The following GXYLT1 variants were observed in gnomAD, a reference collection of about 807,000 sequenced individuals.
GXYLT1 encodes the protein glycosyltransferase 8 domain containing 3.
GXYLT1 carries 29 observed loss-of-function variants against 54.0 expected under a neutral mutation model. The ratio of observed to expected loss-of-function variants is 0.54; its 90% confidence interval spans 0.40 to 0.73. GXYLT1 has a LOEUF of 0.73. Among genes scored for constraint, GXYLT1 ranks in the 30% least tolerant of loss-of-function variants. The pLI is 0.00. For synonymous variants in GXYLT1, 176 were observed against 204.1 expected (o/e 0.86, Z 1.17); for missense variants, 490 against 553.4 (o/e 0.89, Z 1.15).
At chr12:42,102,098 A>G (rs570085047) in intron 5 of GXYLT1, among the ~76,000 whole-genome samples, 1 of 152,370 alleles carries the variant, frequency 6.6e-6, no homozygotes, top group East Asian at 1.9e-4. Flanking sequence ...ATGACCAAAT[A>G]CATGTATGTT....
chr12:42,098,159 A>G, intron 5 of GXYLT1, 126 bp from the exon 6 acceptor site: 2 of 799,264 alleles, frequency 2.5e-6, no homozygotes, highest in Non-Finnish European at 2.0e-6. Context: ...ACTCCTCACA[A>G]TATCAAGTGA....
At chr12:42,129,608 C>T (rs1056455288) in intron 2 of GXYLT1, 151 bp downstream of exon 2, 1 of 503,418 alleles carries the variant, frequency 2.0e-6, no homozygotes, top group South Asian at 3.3e-5. Flanking sequence ...GCAATAACAA[C>T]TACAAAATGG....
intron 2 of GXYLT1, among the ~76,000 whole-genome samples, chr12:42,126,015 A>C (rs2065559113): frequency 6.6e-6 from 1 of 151,940 alleles, no homozygotes; most frequent in South Asian, 2.1e-4. Context: ...CGACAAAGTG[A>C]GACTATCTCA....
intron 3 of GXYLT1, among the ~76,000 whole-genome samples, chr12:42,114,382 G>A (rs983239792): frequency 6.6e-6 from 1 of 152,052 alleles, no homozygotes; most frequent in Non-Finnish European, 1.5e-5. Context: ...TAGAACGCTA[G>A]CAAGACTAAC....
chr12:42,116,053 G>A (rs570562142), intron 3 of GXYLT1, among the ~76,000 whole-genome samples: 2 of 152,052 alleles, frequency 1.3e-5, no homozygotes, highest in East Asian at 3.9e-4. Context: ...TTAATAAATG[G>A]TGCTGGGAAA....
intron 7 of GXYLT1, among the ~76,000 whole-genome samples, chr12:42,090,014 T>C (rs1418459524): frequency 2.6e-5 from 4 of 152,216 alleles, no homozygotes; most frequent in East Asian, 1.9e-4. Context: ...AGGAAGACTA[T>C]TGATTCCCAG....
At position 42,144,488 on chromosome 12, in the gene GXYLT1, T is replaced by G. The variant is rs2065669563; in HGVS notation, c.159A>C (p.Gly53=). ...AAVASWLAGG[G]RGAVRGAGVA... ...CGCCGGCGCCTCTCACGGCGCCGCG[T>G]CCGCCGCCCGCGAGCCAGGAAGCCA... Residue 53 remains glycine (G), a synonymous_variant, in exon 1 of 8, where the codon GGA becomes GGC. Coordinates refer to ENST00000398675, the MANE Select transcript of GXYLT1 (RefSeq NM_173601.2). 7.4e-7 allele frequency: 1 copy of G among 1,344,726 alleles called. No homozygotes were observed. The allele number at this position is 1,344,726 out of a possible 1,614,324, so 83.3% of individuals were successfully genotyped here.
intron 2 of GXYLT1, among the ~76,000 whole-genome samples, chr12:42,126,021 T>C (rs775535134): frequency 1.3e-5 from 2 of 150,608 alleles, no homozygotes; most frequent in African/African-American, 2.4e-5. Context: ...AGTGAGACTA[T>C]CTCAAAAAAA....
chr12:42,085,241 C>T lies in GXYLT1; in HGVS notation c.*2545G>A. The T allele has an allele frequency of 6.6e-6, 1 of 152,096 alleles. No individual in the cohort carries two copies. Among genetic ancestry groups the T allele is most frequent in the Non-Finnish European group, 1.5e-5 (1 of 68,024 alleles). 9.4% of individuals were successfully genotyped at this position (152,096 alleles called of 1,614,324 possible). ...ATAATTCAATTTATGGTAAAATGATCAATTAGGTCAGGTCTAAATAAACCA... is the reference window on the plus strand; with the variant it reads ...ATAATTCAATTTATGGTAAAATGATTAATTAGGTCAGGTCTAAATAAACCA... On this transcript the variant is annotated 3_prime_UTR_variant, in exon 8 of 8. Coordinates refer to ENST00000398675, the MANE Select transcript of GXYLT1 (RefSeq NM_173601.2).
Position 42,119,304 on chromosome 12 carries a change from G to A in GXYLT1, c.315-133C>T. The A allele has an allele frequency of 4.3e-6, 3 of 691,574 alleles. No individual in the cohort carries two copies. The South Asian group carries it at 5.5e-5, about 13-fold the overall frequency. The allele number at this position is 691,574 out of a possible 1,614,324, so 42.8% of individuals were successfully genotyped here. ...GCCTGCAGTCCCAGCTACACGGGAA[G>A]CTAAGGCAGGAGGATCACTTGAAAC... On this transcript the variant is annotated intron_variant, in intron 2 of 7. Coordinates refer to ENST00000398675, the MANE Select transcript of GXYLT1 (RefSeq NM_173601.2).
rs530079996 is a variant in GXYLT1, at chr12:42,089,948, C to A, written c.1162-2001G>T. 2.0e-5 allele frequency among the ~76,000 whole-genome samples: 3 copies of A among 152,288 alleles called. No homozygotes were observed. The East Asian group carries it at 5.8e-4, about 29-fold the overall frequency. On this transcript the variant is annotated intron_variant, in intron 7 of 7. Coordinates refer to ENST00000398675, the MANE Select transcript of GXYLT1 (RefSeq NM_173601.2). Reference sequence around the variant, plus strand: ...GGCAGAAAATTATGGGAAGCCCAAACTACTATGATCATTATTTTTACTATA... The same window carrying A: ...GGCAGAAAATTATGGGAAGCCCAAAATACTATGATCATTATTTTTACTATA...
chr12:42,136,653 G>A (rs574627296), intron 1 of GXYLT1, among the ~76,000 whole-genome samples: 2 of 152,130 alleles, frequency 1.3e-5, no homozygotes, highest in South Asian at 4.1e-4. Context: ...CCTAATTTTG[G>A]GGGTGGTTAC....
In GXYLT1 at chr12:42,084,500, A is replaced by G. The variant is rs2065275399; in HGVS notation, c.*3286T>C. 1 of 152,406 alleles carries G rather than the reference A, an allele frequency of 6.6e-6. No individual in the cohort carries two copies. The highest frequency in any genetic ancestry group is 1.5e-5 in the Non-Finnish European group (1 of 68,140). The allele number at this position is 152,406 out of a possible 1,614,324, so 9.4% of individuals were successfully genotyped here. ...ACTTCAACAGTAACACTGGCGTGGC[A>G]TAATATAAGCCACGCAAAATGCTTC... On this transcript the variant is annotated 3_prime_UTR_variant, in exon 8 of 8. Coordinates refer to ENST00000398675, the MANE Select transcript of GXYLT1 (RefSeq NM_173601.2).
intron 4 of GXYLT1, among the ~76,000 whole-genome samples, chr12:42,109,186 C>T (rs1413665067): frequency 2.0e-5 from 3 of 152,278 alleles, no homozygotes; most frequent in African/African-American, 7.2e-5. Flanking sequence ...TACCTCATTT[C>T]TCAAACTCTA....
In GXYLT1 at chr12:42,130,077, T is replaced by C. The variant is rs560094362; in HGVS notation, c.222-226A>G. On this transcript the variant is annotated intron_variant, in intron 1 of 7. Transcript: ENST00000398675. ...CCCTGAAGGTAGACTATACTATAGATTGGGAAACAGTGTTTCCGTCGGAGA... is the reference window on the plus strand; with the variant it reads ...CCCTGAAGGTAGACTATACTATAGACTGGGAAACAGTGTTTCCGTCGGAGA... Among the ~76,000 whole-genome samples, 162 of 152,328 alleles carry C rather than the reference T, an allele frequency of 1.1e-3. 2 individuals are homozygous for C. In the Middle Eastern group the frequency reaches 0.024, roughly 22 times the overall value.
intron 3 of GXYLT1, among the ~76,000 whole-genome samples, chr12:42,117,637 G>A (rs1014540471): frequency 1.3e-5 from 2 of 152,006 alleles, no homozygotes; most frequent in African/African-American, 4.8e-5. Context: ...AGAGAGGGAG[G>A]AAAGAGAAAA....
chr12:42,092,845 C>T (rs1254663041), intron 7 of GXYLT1, among the ~76,000 whole-genome samples: 1 of 151,688 alleles, frequency 6.6e-6, no homozygotes, highest in African/African-American at 2.4e-5. Flanking sequence ...CTAACGCTAA[C>T]AATAATGAGC....
chr12:42,106,909 C>T (rs1462438390), intron 4 of GXYLT1, among the ~76,000 whole-genome samples: 1 of 151,786 alleles, frequency 6.6e-6, no homozygotes, highest in Non-Finnish European at 1.5e-5. Context: ...CCACACCCGG[C>T]TAATTTTTCA....
At chr12:42,133,976 C>T (rs886366115) in intron 1 of GXYLT1, among the ~76,000 whole-genome samples, 13 of 151,980 alleles carry the variant, frequency 8.6e-5, no homozygotes, top group Non-Finnish European at 1.9e-4. Context: ...GTGGGTGGAT[C>T]GCTTGAGCCC....
Sources: gnomAD v4.1 joint callset for allele counts (sites outside exome capture counted in the v4.1 genomes callset) on GRCh38, gnomAD v4.1.1 for gene constraint, MANE v1.5 for transcripts, NCBI Gene and HGNC (gene_info 2026-07-23, HGNC 2026-07-21) for gene names.